The following CDH18 variants were observed in gnomAD, a reference collection of about 807,000 sequenced individuals.
CDH18 encodes cadherin 18.
In CDH18, 31 loss-of-function variants were observed where a neutral mutation model predicts 67.9. The ratio of observed to expected loss-of-function variants is 0.46; its 90% CI spans 0.34 to 0.62. The LOEUF is 0.62. Among genes scored for constraint, CDH18 ranks in the 20% least tolerant of loss-of-function variants. CDH18 has a pLI of 0.01. For synonymous variants in CDH18, 362 were observed against 347.2 expected, an observed-to-expected ratio of 1.04 and a Z score of -0.48; for missense variants, 890 against 975.5, an observed-to-expected ratio of 0.91 and a Z score of 1.17.
At chr5:20,188,423 C>T (rs1738270620) in intron 2 of CDH18, among the ~76,000 whole-genome samples, 1 of 151,994 alleles carries the variant, frequency 6.6e-6, no homozygotes. Flanking sequence ...TCCATACCCA[C>T]ATTGGTACCA....
intron 2 of CDH18, among the ~76,000 whole-genome samples, chr5:20,067,208 C>T (rs1285614383): frequency 6.6e-6 from 1 of 151,608 alleles, no homozygotes; most frequent in Non-Finnish European, 1.5e-5. Flanking sequence ...GGTATCTCTA[C>T]AGGATCCTGG....
intron 2 of CDH18, among the ~76,000 whole-genome samples, chr5:20,138,259 CA>C: frequency 6.6e-6 from 1 of 152,256 alleles, no homozygotes; most frequent in African/African-American, 2.4e-5. Flanking sequence ...TGACAAAATT[CA>C]ACAGCCCTTC....
intron 5 of CDH18, among the ~76,000 whole-genome samples, chr5:19,687,659 C>A (rs1761295909): frequency 6.6e-6 from 1 of 152,204 alleles, no homozygotes; most frequent in Admixed American, 6.5e-5. Context: ...GCCTTAGAGA[C>A]TAGACGTCCC....
intron 3 of CDH18, among the ~76,000 whole-genome samples, chr5:19,774,478 T>C (rs1774083806): frequency 9.5e-6 from 1 of 105,508 alleles, no homozygotes; most frequent in African/African-American, 3.0e-5. Flanking sequence ...GGGGAAATAC[T>C]GATATTAGGT....
chr5:19,741,723 C>T (rs1359775685), intron 4 of CDH18, among the ~76,000 whole-genome samples: 3 of 152,108 alleles, frequency 2.0e-5, no homozygotes, highest in Non-Finnish European at 4.4e-5. Context: ...TGTGTTTCTA[C>T]TTTGACATTT....
At chr5:20,495,403 T>C (rs1753844870) in intron 1 of CDH18, among the ~76,000 whole-genome samples, 1 of 152,038 alleles carries the variant, frequency 6.6e-6, no homozygotes, top group Admixed American at 6.6e-5. Flanking sequence ...AAAAGAATGC[T>C]TAAAGCAGTG....
chr5:20,334,623 G>A (rs961688319), intron 1 of CDH18, among the ~76,000 whole-genome samples: 6 of 151,852 alleles, frequency 4.0e-5, no homozygotes, highest in Non-Finnish European at 7.4e-5. Context: ...ACTGTTTATG[G>A]GGTGAAAGAA....
rs558306413 is a variant in CDH18, at chr5:20,543,756, T to G, written c.-580+31706A>C. Among the ~76,000 whole-genome samples the G allele has an allele frequency of 1.8e-4, 28 of 152,292 alleles. No homozygotes were observed. In the South Asian group the frequency reaches 5.4e-3, roughly 29 times the overall value. ...CTGATTACTTTGATCTTTCTACTCT[T>G]AAAAATTAAATAACTAAATTCAGCT... On this transcript the variant is annotated intron_variant, in intron 1 of 14. Transcript: ENST00000507958.
chr5:19,683,348 A>G (rs1322358232), intron 5 of CDH18, among the ~76,000 whole-genome samples: 1 of 152,016 alleles, frequency 6.6e-6, no homozygotes, highest in East Asian at 1.9e-4. Context: ...TAGACAGTTG[A>G]TTACTATTGT....
intron 1 of CDH18, among the ~76,000 whole-genome samples, chr5:20,302,139 A>G (rs1426056873): frequency 1.3e-5 from 2 of 152,218 alleles, no homozygotes; most frequent in East Asian, 3.9e-4. Context: ...AGTATATGAT[A>G]CACTTCATAG....
intron 2 of CDH18, among the ~76,000 whole-genome samples, chr5:19,937,938 C>A (rs910823016): frequency 1.6e-4 from 23 of 147,540 alleles, no homozygotes; most frequent in African/African-American, 5.3e-4. Flanking sequence ...AATTATGTCA[C>A]TAACCTTGAA....
intron 1 of CDH18, among the ~76,000 whole-genome samples, chr5:20,348,315 C>A (rs948110748): frequency 6.6e-6 from 1 of 152,116 alleles, no homozygotes; most frequent in Non-Finnish European, 1.5e-5. Flanking sequence ...AACATGTAGG[C>A]AAATCTGTCT....
intron 2 of CDH18, among the ~76,000 whole-genome samples, chr5:19,945,835 A>G (rs561154527): frequency 1.3e-5 from 2 of 152,272 alleles, no homozygotes; most frequent in East Asian, 1.9e-4. Context: ...ATAAAAGACT[A>G]AAAAACTAAC....
chr5:20,030,899 T>A (rs1405452714), intron 2 of CDH18, among the ~76,000 whole-genome samples: 2 of 152,152 alleles, frequency 1.3e-5, no homozygotes, highest in Non-Finnish European at 2.9e-5. Flanking sequence ...AATATAACCA[T>A]GTTTGCTCTG....
At chr5:20,203,546 G>C (rs1739617953) in intron 2 of CDH18, among the ~76,000 whole-genome samples, 1 of 149,504 alleles carries the variant, frequency 6.7e-6, no homozygotes, top group Non-Finnish European at 1.5e-5. Flanking sequence ...GCACCACTGA[G>C]TGGCAAAAAG....
At chr5:19,889,152 A>C (rs953612938) in intron 2 of CDH18, among the ~76,000 whole-genome samples, 1 of 151,992 alleles carries the variant, frequency 6.6e-6, no homozygotes, top group Non-Finnish European at 1.5e-5. Context: ...AAGTCTGTAC[A>C]TTTTCTGTAC....
chr5:20,297,261 A>C (rs78055590), intron 1 of CDH18, among the ~76,000 whole-genome samples: 8,529 of 152,264 alleles, frequency 0.056, 301 homozygotes, highest in East Asian at 0.14. Context: ...GAATTGCTGC[A>C]TATAGTCATA....
chr5:19,618,929 A>C (rs1246122685), intron 5 of CDH18, among the ~76,000 whole-genome samples: 4 of 152,212 alleles, frequency 2.6e-5, no homozygotes, highest in Non-Finnish European at 5.9e-5. Context: ...TCTTGGCAGC[A>C]GTAAGTCTTC....
chr5:20,228,621 C>T (rs976600199), intron 2 of CDH18, among the ~76,000 whole-genome samples: 3 of 152,022 alleles, frequency 2.0e-5, no homozygotes, highest in African/African-American at 7.2e-5. Context: ...ATCTCACCAA[C>T]CCCTCTCTCT....
Sources: allele counts gnomAD v4.1 joint callset (sites outside exome capture counted in the v4.1 genomes callset), GRCh38; gene constraint gnomAD v4.1.1; transcripts MANE v1.5; gene names NCBI Gene and HGNC (gene_info 2026-07-23, HGNC 2026-07-21).